The following CRY1 variants were observed in gnomAD, a reference collection of about 807,000 sequenced individuals.
The protein encoded by CRY1 is cryptochrome circadian regulator 1.
A neutral mutation model predicts 76.0 loss-of-function variants in CRY1; 45 were observed. The ratio of observed to expected loss-of-function variants is 0.59; its 90% CI spans 0.47 to 0.76. The LOEUF (loss-of-function observed/expected upper bound fraction) is 0.76, where lower values mean the gene tolerates loss of function less well. Among genes scored for constraint, CRY1 ranks in the 30% least tolerant of loss-of-function variants. The pLI, the probability that CRY1 is intolerant of heterozygous loss-of-function variation, is 0.00. For missense variants in CRY1, 587 were observed against 716.4 expected (o/e 0.82, Z 2.06); for synonymous variants, 248 against 244.0 (o/e 1.02, Z -0.15).
intron 1 of CRY1, among the ~76,000 whole-genome samples, chr12:107,039,485 C>A (rs1412238193): frequency 6.6e-6 from 1 of 152,100 alleles, no homozygotes; most frequent in Non-Finnish European, 1.5e-5. Context: ...TAACAGAAAA[C>A]AACCCGTTAA....
At chr12:107,022,431 C>T (rs1485820711) in intron 1 of CRY1, among the ~76,000 whole-genome samples, 1 of 151,658 alleles carries the variant, frequency 6.6e-6, no homozygotes, top group Non-Finnish European at 1.5e-5. Flanking sequence ...ATAAAAGTGA[C>T]TATTAGCAAA....
chr12:107,032,585 G>A lies in CRY1; in HGVS notation c.159-10393C>T, dbSNP rs573165193. ...AAAACTCAGACTTCAGGCCAGGCAC[G>A]GTGGCTCACGCCTATAATCTCAGAG... On this transcript the variant is annotated intron_variant, in intron 1 of 12. Coordinates refer to ENST00000008527, the MANE Select transcript of CRY1 (RefSeq NM_004075.5). Among the ~76,000 whole-genome samples the A allele has an allele frequency of 4.6e-5, 7 of 152,142 alleles. No homozygotes were observed. The South Asian group carries it at 8.3e-4, about 18-fold the overall frequency.
rs1250925926 is a variant in CRY1 at position 107,059,472 on chromosome 12, T to C, written c.158+33332A>G. On this transcript the variant is annotated intron_variant, in intron 1 of 12. Transcript: ENST00000008527. ...CTCGCTATGTTGCCCAGGCTGGTCTTGAACTCATGGCCTCAAGCAATCCTC... is the reference window on the plus strand; with the variant it reads ...CTCGCTATGTTGCCCAGGCTGGTCTCGAACTCATGGCCTCAAGCAATCCTC... Among the ~76,000 whole-genome samples, 8 of 152,096 alleles carry C rather than the reference T, an allele frequency of 5.3e-5. No homozygotes were observed. The East Asian group carries it at 1.5e-3, about 29-fold the overall frequency.
At chr12:107,064,540 A>G (rs1231705936) in intron 1 of CRY1, among the ~76,000 whole-genome samples, 4 of 152,230 alleles carry the variant, frequency 2.6e-5, no homozygotes, top group Non-Finnish European at 5.9e-5. Flanking sequence ...GCAGTCTTCA[A>G]TAAAGTTAAA....
intron 1 of CRY1, among the ~76,000 whole-genome samples, chr12:107,023,822 C>T (rs1376269282): frequency 6.6e-6 from 1 of 152,178 alleles, no homozygotes; most frequent in Non-Finnish European, 1.5e-5. Flanking sequence ...CCCATCCTAA[C>T]CCACCACTAC....
chr12:107,024,687 CATTATAT>C (rs1412500984), intron 1 of CRY1, among the ~76,000 whole-genome samples: 3 of 152,112 alleles, frequency 2.0e-5, no homozygotes, highest in African/African-American at 7.2e-5. Flanking sequence ...CCTTAATAAA[CATTATAT>C]GAACCAAACA....
At chr12:107,077,679 A>C (rs1277408222) in intron 1 of CRY1, among the ~76,000 whole-genome samples, 1 of 152,178 alleles carries the variant, frequency 6.6e-6, no homozygotes, top group East Asian at 1.9e-4. Flanking sequence ...CTGTGAATAC[A>C]CTATGCTCAG....
At chr12:107,051,388 A>G (rs1469824935) in intron 1 of CRY1, among the ~76,000 whole-genome samples, 1 of 152,188 alleles carries the variant, frequency 6.6e-6, no homozygotes, top group Admixed American at 6.5e-5. Flanking sequence ...AATAAAATGC[A>G]GAAAATTGTA....
Position 107,001,351 on chromosome 12 carries a change from A to C in CRY1, c.613T>G (p.Leu205Val). ...LEELGFDTDGLSSAVWPGGET... is the reference protein window; with the variant it reads ...LEELGFDTDGVSSAVWPGGET... Reference sequence around the variant, plus strand: ...CCACCTGGCCACACTGCAGAGGATAAGCCATCTGTATCAAAACCTACAAGA... The same window carrying C: ...CCACCTGGCCACACTGCAGAGGATACGCCATCTGTATCAAAACCTACAAGA... The change falls in exon 5 of 13, where the codon TTA (leucine) becomes GTA (valine). Residue 205 changes from leucine to valine, a missense_variant. Physicochemically the swap from Leu to Val is conservative, Grantham distance 32. Transcript: ENST00000008527. 1.2e-6 allele frequency: 2 copies of C among 1,611,562 alleles called. No homozygotes were observed.
chr12:107,024,195 G>T (rs1254001437), intron 1 of CRY1, among the ~76,000 whole-genome samples: 8 of 152,162 alleles, frequency 5.3e-5, no homozygotes, highest in Non-Finnish European at 1.2e-4. Context: ...CCAGAAGTGA[G>T]TAAGAACTGA....
chr12:107,031,779 A>G (rs1952677948), intron 1 of CRY1, among the ~76,000 whole-genome samples: 1 of 152,204 alleles, frequency 6.6e-6, no homozygotes. Context: ...AGGTCATTAA[A>G]AATAGAGAAA....
chr12:107,037,204 G>A (rs1005790750), intron 1 of CRY1, among the ~76,000 whole-genome samples: 3 of 152,130 alleles, frequency 2.0e-5, no homozygotes, highest in Admixed American at 1.3e-4. Flanking sequence ...CCTCATGACT[G>A]TTTGAGGAAC....
chr12:107,036,636 G>A (rs1243201196), intron 1 of CRY1, among the ~76,000 whole-genome samples: 1 of 150,130 alleles, frequency 6.7e-6, no homozygotes, highest in Non-Finnish European at 1.5e-5. Flanking sequence ...CCTACAGAAC[G>A]AACCCGGGCA....
chr12:107,069,612 A>AT (rs1491169574), intron 1 of CRY1, among the ~76,000 whole-genome samples: 14,382 of 45,596 alleles, frequency 0.32, 1,685 homozygotes, highest in East Asian at 0.54. Context: ...GTATATATAT[A>AT]AAAAGTATAT....
At chr12:107,023,642 G>C (rs767712995) in intron 1 of CRY1, among the ~76,000 whole-genome samples, 1 of 152,220 alleles carries the variant, frequency 6.6e-6, no homozygotes, top group Non-Finnish European at 1.5e-5. Flanking sequence ...TGTACAGCTT[G>C]AAGAGTCAAG....
At chr12:107,034,549 G>A (rs1952712770) in intron 1 of CRY1, among the ~76,000 whole-genome samples, 1 of 152,048 alleles carries the variant, frequency 6.6e-6, no homozygotes, top group Admixed American at 6.6e-5. Context: ...CTCTCTTAAG[G>A]GCTGAATCAG....
chr12:106,993,062 AT>A (rs1952197668), intron 10 of CRY1, 26 bp from the exon 11 acceptor site: 2 of 1,608,166 alleles, frequency 1.2e-6, no homozygotes, highest in Non-Finnish European at 1.7e-6. Flanking sequence ...ACACAGTAAA[AT>A]TACTTAAAAT....
At chr12:107,002,355 G>A (rs116198823) in intron 3 of CRY1, among the ~76,000 whole-genome samples, 1,882 of 152,116 alleles carry the variant, frequency 0.012, 32 homozygotes, top group African/African-American at 0.043. Context: ...AACTAAACCA[G>A]GTTGATAATT....
In CRY1 at chr12:107,045,990, G is replaced by A. The variant is rs147193972; in HGVS notation, c.159-23798C>T. Among the ~76,000 whole-genome samples the A allele has an allele frequency of 7.6e-3, 1,160 of 152,192 alleles. 5 individuals are homozygous for A. The highest frequency in any genetic ancestry group is 0.037 in the Middle Eastern group (11 of 294). ...AAAAATACAAAAATTAGCTAGGTGTGGTGGCCAGCACCTGTAGTCCCAGCT... is the reference window on the plus strand; with the variant it reads ...AAAAATACAAAAATTAGCTAGGTGTAGTGGCCAGCACCTGTAGTCCCAGCT... On this transcript the variant is annotated intron_variant, in intron 1 of 12. Transcript: ENST00000008527.
Sources: allele counts gnomAD v4.1 joint callset (sites outside exome capture counted in the v4.1 genomes callset), GRCh38; gene constraint gnomAD v4.1.1; transcripts MANE v1.5; gene names NCBI Gene and HGNC (gene_info 2026-07-23, HGNC 2026-07-21).